WSB1: variants seen among roughly 807,000 people sequenced by gnomAD.
WSB1 encodes WD repeat and SOCS box-containing protein 1.
WSB1 carries 23 observed loss-of-function variants against 50.2 expected under a neutral mutation model. That is an observed-to-expected ratio of 0.46 (90% CI 0.33 to 0.65). WSB1 has a LOEUF of 0.65. WSB1 is among the 30% of genes least tolerant of loss of function. The pLI, the probability that WSB1 is intolerant of heterozygous loss-of-function variation, is 0.02. For missense variants in WSB1, 492 were observed against 522.3 expected, an observed-to-expected ratio of 0.94 and a Z score of 0.56; for synonymous variants, 179 against 172.0, an observed-to-expected ratio of 1.04 and a Z score of -0.32.
chr17:27,308,246 G>T, intron 5 of WSB1: 1 of 985,664 alleles, frequency 1.0e-6, no homozygotes, highest in African/African-American at 1.7e-5. Flanking sequence ...TACTCCAAGA[G>T]GAGAGATTGT....
At position 27,313,588 on chromosome 17, in the gene WSB1, ATT is replaced by A. The variant is rs1281890347; in HGVS notation, c.*1223_*1224del. Reference sequence around the variant, plus strand: ...CATTATGTAAAATGCTCAATTATATATTTTTGTTGAGTTTTTTAATTAAAGAC... The same window carrying A: ...CATTATGTAAAATGCTCAATTATATATTTGTTGAGTTTTTTAATTAAAGAC... On this transcript the variant is annotated 3_prime_UTR_variant, in exon 9 of 9. Coordinates refer to ENST00000262394, the MANE Select transcript of WSB1 (RefSeq NM_015626.10). 1 of 152,096 alleles carries A rather than the reference ATT, an allele frequency of 6.6e-6. No individual in the cohort carries two copies. Among genetic ancestry groups the A allele is most frequent in the African/African-American group, 2.4e-5 (1 of 41,202 alleles). The allele number at this position is 152,096 out of a possible 1,614,324, so 9.4% of individuals were successfully genotyped here.
intron 1 of WSB1, 58 bp downstream of exon 1, chr17:27,294,493 G>T: frequency 6.2e-7 from 1 of 1,603,882 alleles, no homozygotes; most frequent in Admixed American, 1.7e-5. Context: ...GGGACTCCCC[G>T]GAGGAGGTTT....
chr17:27,295,552 A>G (rs944961387), intron 1 of WSB1, among the ~76,000 whole-genome samples: 2 of 152,000 alleles, frequency 1.3e-5, no homozygotes, highest in African/African-American at 4.8e-5. Context: ...ACAAACACAG[A>G]AAAAAAAGGG....
At chr17:27,303,705 A>G in intron 3 of WSB1, 70 bp downstream of exon 3, 1 of 1,542,212 alleles carries the variant, frequency 6.5e-7, no homozygotes, top group Non-Finnish European at 8.7e-7. Flanking sequence ...AGGCACTGGA[A>G]TTGGGATTTG....
intron 7 of WSB1, 91 bp downstream of exon 7, chr17:27,310,265 C>A: frequency 8.8e-7 from 1 of 1,137,934 alleles, no homozygotes; most frequent in Non-Finnish European, 1.3e-6. Context: ...GTTTTAATGT[C>A]TCTTCCTCAA....
Position 27,294,231 on chromosome 17 carries a change from C to T in WSB1, c.-165C>T, listed in dbSNP as rs757386412. On this transcript the variant is annotated 5_prime_UTR_variant, in exon 1 of 9. Transcript: ENST00000262394. ...TACTTTGGTCTGAGGCCTTCGGGAG[C>T]TTTCCCGAGGCAGTTAGCAGAAGCC... 2.4e-5 allele frequency: 21 copies of T among 890,736 alleles called. No homozygotes were observed. The highest frequency in any genetic ancestry group is 5.1e-5 in the African/African-American group (3 of 59,064). The allele number at this position is 890,736 out of a possible 1,614,324, so 55.2% of individuals were successfully genotyped here. A position where few individuals can be genotyped will look rare whatever the true frequency, so the allele number is the denominator to read the frequency against.
rs1263642839 is a variant in WSB1, at chr17:27,314,569, CTAAA to C, written c.*2208_*2211del. The C allele has an allele frequency of 6.6e-6, 1 of 152,138 alleles. No individual in the cohort carries two copies. The highest frequency in any genetic ancestry group is 2.4e-5 in the African/African-American group (1 of 41,422). 9.4% of individuals were successfully genotyped at this position (152,138 alleles called of 1,614,324 possible). A position where few individuals can be genotyped will look rare whatever the true frequency, so the allele number is the denominator to read the frequency against. On this transcript the variant is annotated 3_prime_UTR_variant, in exon 9 of 9. Transcript: ENST00000262394. Reference sequence around the variant, plus strand: ...CCAGCCTGGGTGACAGAGTAAGACTCTAAATAAATAAGATACCATTACTTTTCAT... The same window carrying C: ...CCAGCCTGGGTGACAGAGTAAGACTCTAAATAAGATACCATTACTTTTCAT...
At chr17:27,301,721 T>TA (rs756273455) in intron 1 of WSB1, 67 bp from the exon 2 acceptor site, 1 of 1,540,874 alleles carries the variant, frequency 6.5e-7, no homozygotes, top group Admixed American at 1.7e-5. Flanking sequence ...CCCAAAGTAA[T>TA]ATGGAAGCAG....
At position 27,313,438 on chromosome 17, in the gene WSB1, TA is replaced by T. The variant is rs750489113; in HGVS notation, c.*1086del. On this transcript the variant is annotated 3_prime_UTR_variant, in exon 9 of 9. Coordinates refer to ENST00000262394, the MANE Select transcript of WSB1 (RefSeq NM_015626.10). ...GACAATTATTTTAAGACCATGGATT[TA>T]AAAAAAAAAAAAAAAACTCTGTTTC... The T allele has an allele frequency of 4.5e-3, 598 of 132,352 alleles. No individual in the cohort carries two copies. The highest frequency in any genetic ancestry group is 3.6e-3 in the Admixed American group (46 of 12,954). 8.2% of individuals were successfully genotyped at this position (132,352 alleles called of 1,614,324 possible). A position where few individuals can be genotyped will look rare whatever the true frequency, so the allele number is the denominator to read the frequency against.
chr17:27,301,725 G>A, intron 1 of WSB1, 63 bp from the exon 2 acceptor site: 3 of 1,551,790 alleles, frequency 1.9e-6, no homozygotes, highest in Non-Finnish European at 2.7e-6. Context: ...AAGTAATATG[G>A]AAGCAGTCTC....
intron 4 of WSB1, among the ~76,000 whole-genome samples, chr17:27,306,090 C>CA (rs970078613): frequency 3.3e-5 from 5 of 149,956 alleles, no homozygotes; most frequent in African/African-American, 1.2e-4. Context: ...TGTAGGTTCT[C>CA]AAAAATGAAG....
chr17:27,305,023 C>A (rs2017391456), intron 4 of WSB1, 112 bp downstream of exon 4: 4 of 1,390,230 alleles, frequency 2.9e-6, no homozygotes, highest in Non-Finnish European at 4.0e-6. Context: ...GATCAAAGTT[C>A]CTTTTCTCTG....
chr17:27,297,430 A>C (rs925611817), intron 1 of WSB1: 1 of 151,290 alleles, frequency 6.6e-6, no homozygotes, highest in African/African-American at 2.4e-5. Flanking sequence ...CGGCCTCCCA[A>C]AGTGCTGGGA....
In WSB1 at chr17:27,304,724, A is replaced by G. The variant is rs1012837100; in HGVS notation, c.479-56A>G. 1.9e-6 allele frequency: 3 copies of G among 1,564,604 alleles called. No individual in the cohort carries two copies. The African/African-American group carries it at 4.1e-5, about 22-fold the overall frequency. On this transcript the variant is annotated intron_variant, in intron 3 of 8. Transcript: ENST00000262394. The stretch of plus-strand genomic sequence containing the variant: ...GAGACCCTGTCTCAAGAAAAATAAG[A>G]ACAAAACAAAAATATATTAATACTG...
chr17:27,305,574 A>G (rs533161466), intron 4 of WSB1, among the ~76,000 whole-genome samples: 7 of 152,338 alleles, frequency 4.6e-5, no homozygotes, highest in African/African-American at 1.7e-4. Context: ...CCTTAAATGT[A>G]AGGTCTGTTG....
intron 1 of WSB1, among the ~76,000 whole-genome samples, chr17:27,299,592 T>C (rs2017139632): frequency 6.6e-6 from 1 of 152,196 alleles, no homozygotes; most frequent in African/African-American, 2.4e-5. Context: ...GGGACTCTGC[T>C]GCTTTGATTA....
At chr17:27,302,971 C>T (rs1326972807) in intron 2 of WSB1, 1 of 172,400 alleles carries the variant, frequency 5.8e-6, no homozygotes, top group East Asian at 1.7e-4. Flanking sequence ...TTTTTTCCCC[C>T]TTTAAGGCAA....
At position 27,313,619 on chromosome 17, in the gene WSB1, T is replaced by TA. The variant is rs59031980; in HGVS notation, c.*1262dup. The stretch of plus-strand genomic sequence containing the variant: ...GTTGAGTTTTTTAATTAAAGACTTG[T>TA]AAAAAAAAAAAACAGTATATTGCAA... On this transcript the variant is annotated 3_prime_UTR_variant, in exon 9 of 9. Coordinates refer to ENST00000262394, the MANE Select transcript of WSB1 (RefSeq NM_015626.10). 0.066 allele frequency: 9,535 copies of TA among 144,602 alleles called. 375 individuals carry two copies. Among genetic ancestry groups the TA allele is most frequent in the Non-Finnish European group, 0.1 (6,665 of 65,304 alleles). 9.0% of individuals were successfully genotyped at this position (144,602 alleles called of 1,614,324 possible).
Position 27,314,179 on chromosome 17 carries a change from T to C in WSB1, c.*1810T>C, listed in dbSNP as rs1174917565. 2 of 152,234 alleles carry C rather than the reference T, an allele frequency of 1.3e-5. No homozygotes were observed. Among genetic ancestry groups the C allele is most frequent in the African/African-American group, 4.8e-5 (2 of 41,470 alleles). The allele number at this position is 152,234 out of a possible 1,614,324, so 9.4% of individuals were successfully genotyped here. The stretch of plus-strand genomic sequence containing the variant: ...TGCTCAAGTTACTTCTTGAGGATCA[T>C]CTGTATTTTACAAAAAGAAGCACAA... On this transcript the variant is annotated 3_prime_UTR_variant, in exon 9 of 9. Coordinates refer to ENST00000262394, the MANE Select transcript of WSB1 (RefSeq NM_015626.10).
Sources: gnomAD v4.1 joint callset for allele counts (sites outside exome capture counted in the v4.1 genomes callset) on GRCh38, gnomAD v4.1.1 for gene constraint, MANE v1.5 for transcripts, NCBI Gene and HGNC (gene_info 2026-07-23, HGNC 2026-07-21) for gene names.